The following FAN1 variants were observed in gnomAD, a reference collection of about 807,000 sequenced individuals.
FAN1 encodes the protein fanconi-associated nuclease 1.
FAN1 carries 91 observed loss-of-function variants against 104.9 expected under a neutral mutation model. The ratio of observed to expected loss-of-function variants is 0.87; its 90% confidence interval spans 0.73 to 1.03. FAN1 has a LOEUF of 1.03. FAN1 is among the 50% of genes least tolerant of loss of function. The pLI is 0.00. For synonymous variants in FAN1, 478 were observed against 457.6 expected, an observed-to-expected ratio of 1.04 and a Z score of -0.57; for missense variants, 1,263 against 1,239.9, an observed-to-expected ratio of 1.02 and a Z score of -0.28.
chr15:30,941,092 T>G, intron 14 of FAN1: 1 of 1,224,116 alleles, frequency 8.2e-7, no homozygotes, highest in Non-Finnish European at 1.0e-6. Flanking sequence ...CTCCTAAAAA[T>G]GACACGAAAC....
intron 6 of FAN1, among the ~76,000 whole-genome samples, chr15:30,919,559 C>T (rs1248243627): frequency 6.6e-6 from 1 of 150,860 alleles, no homozygotes; most frequent in Admixed American, 6.6e-5. Context: ...GGTGTTGTGA[C>T]GAGTGTCTGT....
At chr15:30,941,126 G>T (rs1215190452) in intron 14 of FAN1, 5 of 1,267,560 alleles carry the variant, frequency 3.9e-6, no homozygotes, top group African/African-American at 1.6e-5. Flanking sequence ...CTTTCCTGTT[G>T]TCTGCTGCCT....
intron 14 of FAN1, chr15:30,940,401 G>T (rs955652389): frequency 2.7e-5 from 27 of 985,290 alleles, no homozygotes; most frequent in African/African-American, 3.5e-5. Context: ...TGTTTTGAGA[G>T]AATCCATTTT....
At chr15:30,927,565 CT>C in intron 10 of FAN1, 4 of 985,712 alleles carry the variant, frequency 4.1e-6, no homozygotes, top group Non-Finnish European at 4.8e-6. Flanking sequence ...CACAGCACCC[CT>C]GATCCCACTC....
chr15:30,939,973 T>A, intron 14 of FAN1: 4 of 981,226 alleles, frequency 4.1e-6, no homozygotes, highest in Non-Finnish European at 4.8e-6. Context: ...TCCAGAGACA[T>A]TATCAAATTT....
chr15:30,932,273 G>C (rs560178479), intron 13 of FAN1, among the ~76,000 whole-genome samples: 3 of 148,026 alleles, frequency 2.0e-5, no homozygotes, highest in African/African-American at 7.4e-5. Flanking sequence ...GAATTCCTTT[G>C]AATCTGTAGA....
Position 30,942,854 on chromosome 15 carries a change from G to C in FAN1, c.*1292G>C, listed in dbSNP as rs772649590. Reference sequence around the variant, plus strand: ...CTGAAAAAGAGGTGTTTGGTTACGTGTGAGCCAACATCACGTTTTGTTAGC... The same window carrying C: ...CTGAAAAAGAGGTGTTTGGTTACGTCTGAGCCAACATCACGTTTTGTTAGC... On this transcript the variant is annotated 3_prime_UTR_variant, in exon 15 of 15. Coordinates refer to ENST00000362065, the MANE Select transcript of FAN1 (RefSeq NM_014967.5). The C allele has an allele frequency of 4.6e-6, 7 of 1,529,834 alleles. No homozygotes were observed. The highest frequency in any genetic ancestry group is 1.4e-5 in the African/African-American group (1 of 72,608). 94.8% of individuals were successfully genotyped at this position (1,529,834 alleles called of 1,614,324 possible). A position where few individuals can be genotyped will look rare whatever the true frequency, so the allele number is the denominator to read the frequency against.
At chr15:30,907,570 C>T (rs12441318) in intron 2 of FAN1, among the ~76,000 whole-genome samples, 64,290 of 151,842 alleles carry the variant, frequency 0.42, 14,706 homozygotes, top group East Asian at 0.85. Flanking sequence ...AAAACAACAC[C>T]AGCATGAACC....
chr15:30,928,563 C>T lies in FAN1; in HGVS notation c.2499C>T (p.Gly833=), dbSNP rs374193799. ...GTGACCTTGTCTTAGGGATTCATGGCGAAGGGTCCACCTTCAGCACCCTGT... is the reference window on the plus strand; with the variant it reads ...GTGACCTTGTCTTAGGGATTCATGGTGAAGGGTCCACCTTCAGCACCCTGT... ...RRSGFDQGIH[G]EGSTFSTLYG... is the part of the protein sequence containing the mutation. Residue 833 remains glycine, a synonymous_variant, in exon 11 of 15, where the codon GGC becomes GGT. Transcript: ENST00000362065. 34 of 1,601,888 alleles carry T rather than the reference C, an allele frequency of 2.1e-5. No individual in the cohort carries two copies. Among genetic ancestry groups the T allele is most frequent in the Admixed American group, 2.0e-4 (12 of 58,638 alleles).
intron 12 of FAN1, among the ~76,000 whole-genome samples, chr15:30,930,286 C>T (rs1176127704): frequency 6.6e-6 from 1 of 152,006 alleles, no homozygotes. Context: ...TCTTCCTCAG[C>T]GCTCCCCAGC....
chr15:30,911,549 A>G (rs886838831), intron 4 of FAN1: 11 of 976,858 alleles, frequency 1.1e-5, no homozygotes, highest in Non-Finnish European at 1.2e-5. Context: ...GACATTAAGA[A>G]AAATATAAAT....
At chr15:30,927,598 G>T (rs1378042169) in intron 10 of FAN1, 1 of 985,452 alleles carries the variant, frequency 1.0e-6, no homozygotes, top group African/African-American at 1.7e-5. Flanking sequence ...ACGCAGATGG[G>T]TTGGGGCCTG....
At chr15:30,909,181 G>T (rs1299339777) in intron 3 of FAN1, among the ~76,000 whole-genome samples, 1 of 152,134 alleles carries the variant, frequency 6.6e-6, no homozygotes, top group Non-Finnish European at 1.5e-5. Flanking sequence ...GTGAGCCTTG[G>T]GTTCAAGTTG....
Position 30,904,530 on chromosome 15 carries a change from A to G in FAN1, c.-134A>G. On this transcript the variant is annotated 5_prime_UTR_variant, in exon 2 of 15. Coordinates refer to ENST00000362065, the MANE Select transcript of FAN1 (RefSeq NM_014967.5). Reference sequence around the variant, plus strand: ...CTTGTAGGAAGAAGAAATTGTCGAGACGAATAACATGAGGTCATATAGAAT... The same window carrying G: ...CTTGTAGGAAGAAGAAATTGTCGAGGCGAATAACATGAGGTCATATAGAAT... 1.2e-6 allele frequency: 1 copy of G among 839,418 alleles called. No homozygotes were observed. The highest frequency in any genetic ancestry group is 3.0e-4 in the Middle Eastern group (1 of 3,356). 52.0% of individuals were successfully genotyped at this position (839,418 alleles called of 1,614,324 possible). A position where few individuals can be genotyped will look rare whatever the true frequency, so the allele number is the denominator to read the frequency against.
Position 30,908,115 on chromosome 15 carries a change from C to T in FAN1, c.1235-3C>T. ...TTCAACATTTTTCTTAACTTTATTG[C>T]AGCTACTGGTCAGAAGTTATATGTA... On this transcript the variant is annotated splice_region_variant and splice_polypyrimidine_tract_variant and intron_variant, in intron 2 of 14. Transcript: ENST00000362065. 2 of 1,587,378 alleles carry T rather than the reference C, an allele frequency of 1.3e-6. No individual in the cohort carries two copies. Among genetic ancestry groups the T allele is most frequent in the Non-Finnish European group, 1.7e-6 (2 of 1,170,536 alleles).
intron 13 of FAN1, among the ~76,000 whole-genome samples, chr15:30,936,451 T>TA (rs1277207211): frequency 1.3e-5 from 2 of 152,228 alleles, no homozygotes; most frequent in Non-Finnish European, 2.9e-5. Context: ...CGGAGGGTTT[T>TA]AAGCAAGGAA....
At position 30,925,864 on chromosome 15, in the gene FAN1, G is replaced by A. The variant is rs114441778; in HGVS notation, c.2413G>A (p.Ala805Thr). Residue 805 changes from alanine to threonine, a missense_variant, in exon 10 of 15, where the codon GCT (alanine) becomes ACT (threonine). Transcript: ENST00000362065. ...GTTTGTGATGGAGGCCGGGGAGGCC[G>A]CTGACCCCACCACGGTCCTGTGCTC... is the stretch of plus-strand genomic sequence containing the variant. ...SVFVMEAGEA[A>T]DPTTVLCSVE... The A allele has an allele frequency of 9.3e-4, 1,501 of 1,614,134 alleles. 11 individuals are homozygous for A. In the African/African-American group the frequency reaches 0.018, roughly 19 times the overall value.
At chr15:30,918,501 A>T (rs2062242261) in intron 6 of FAN1, among the ~76,000 whole-genome samples, 4 of 152,216 alleles carry the variant, frequency 2.6e-5, no homozygotes, top group Admixed American at 2.6e-4. Flanking sequence ...TGAATTTGAT[A>T]TAACTCAGAT....
intron 10 of FAN1, chr15:30,926,564 A>G (rs960828141): frequency 1.5e-5 from 14 of 944,482 alleles, no homozygotes; most frequent in African/African-American, 1.8e-5. Context: ...GTTCTTTCTG[A>G]TGAGTGTTGA....
Sources: allele counts gnomAD v4.1 joint callset (sites outside exome capture counted in the v4.1 genomes callset), GRCh38; gene constraint gnomAD v4.1.1; transcripts MANE v1.5; gene names NCBI Gene and HGNC (gene_info 2026-07-23, HGNC 2026-07-21).